The following KIFAP3 variants were observed in gnomAD, a reference collection of about 807,000 sequenced individuals.
KIFAP3 encodes the protein kinesin associated protein 3.
In KIFAP3, 68 loss-of-function variants were observed where a neutral mutation model predicts 106.5. That is an observed-to-expected ratio of 0.64 (90% CI 0.53 to 0.78). The LOEUF is 0.78. Ranked by LOEUF, KIFAP3 falls within the 30% of genes least tolerant of loss-of-function variation. KIFAP3 has a pLI of 0.00. For missense variants in KIFAP3, 780 were observed against 941.8 expected, an observed-to-expected ratio of 0.83 and a Z score of 2.25; for synonymous variants, 320 against 311.5, an observed-to-expected ratio of 1.03 and a Z score of -0.29.
At chr1:170,050,382 G>A (rs917944587) in intron 2 of KIFAP3, among the ~76,000 whole-genome samples, 4 of 152,166 alleles carry the variant, frequency 2.6e-5, no homozygotes, top group Non-Finnish European at 5.9e-5. Flanking sequence ...GTACCTGAAA[G>A]TGACAGGGAG....
At chr1:170,058,765 C>T (rs769029182) in intron 1 of KIFAP3, among the ~76,000 whole-genome samples, 14 of 151,882 alleles carry the variant, frequency 9.2e-5, no homozygotes, top group Non-Finnish European at 1.8e-4. Flanking sequence ...AAAACCAGAA[C>T]TGTCTAGGGC....
At chr1:169,987,584 T>C (rs1382433366) in intron 11 of KIFAP3, among the ~76,000 whole-genome samples, 2 of 152,074 alleles carry the variant, frequency 1.3e-5, no homozygotes, top group Non-Finnish European at 2.9e-5. Flanking sequence ...GTTTCTGAAC[T>C]TCAGCAGATA....
chr1:169,938,983 A>G (rs889905736), intron 19 of KIFAP3, among the ~76,000 whole-genome samples: 1 of 152,218 alleles, frequency 6.6e-6, no homozygotes, highest in African/African-American at 2.4e-5. Context: ...GGAGATGTAG[A>G]TAAGTGTCAA....
chr1:169,993,239 C>T (rs1277032301), intron 10 of KIFAP3, among the ~76,000 whole-genome samples: 1 of 151,568 alleles, frequency 6.6e-6, no homozygotes, highest in Non-Finnish European at 1.5e-5. Flanking sequence ...TCCTGAGTAG[C>T]TGGGATTCAG....
intron 10 of KIFAP3, among the ~76,000 whole-genome samples, chr1:169,994,487 C>T (rs1018263562): frequency 4.6e-5 from 7 of 152,124 alleles, no homozygotes; most frequent in Non-Finnish European, 8.8e-5. Flanking sequence ...TTAGATTTTG[C>T]ATCTTGCAAA....
chr1:169,934,166 CA>C (rs991504693), intron 19 of KIFAP3, among the ~76,000 whole-genome samples: 1 of 152,126 alleles, frequency 6.6e-6, no homozygotes, highest in Admixed American at 6.6e-5. Context: ...TGGCATGCTT[CA>C]TACACATGCT....
intron 11 of KIFAP3, among the ~76,000 whole-genome samples, chr1:169,986,834 T>A (rs1190683292): frequency 6.6e-6 from 1 of 152,046 alleles, no homozygotes; most frequent in Non-Finnish European, 1.5e-5. Flanking sequence ...GTATGAAAAT[T>A]AGCCTTAAAC....
At chr1:170,041,866 G>T in intron 3 of KIFAP3, 1 of 1,387,432 alleles carries the variant, frequency 7.2e-7, no homozygotes, top group Non-Finnish European at 9.4e-7. Flanking sequence ...TGTTTAAGGG[G>T]AATTTCCCCA....
In KIFAP3 at chr1:170,031,921, T is replaced by C. The variant is rs750808144; in HGVS notation, c.806A>G (p.Gln269Arg). Residue 269 changes from glutamine (Q) to arginine (R), a missense_variant, in exon 8 of 20, where the codon CAG becomes CGG. Physicochemically the swap from Gln to Arg is conservative, Grantham distance 43. Coordinates refer to ENST00000361580, the MANE Select transcript of KIFAP3 (RefSeq NM_014970.4). ...CTGTTCCTGTTTTACCACAAGCCCCTGGTACTTTTTAAAGGTTTTTTCATA... is the reference window on the plus strand; with the variant it reads ...CTGTTCCTGTTTTACCACAAGCCCCCGGTACTTTTTAAAGGTTTTTTCATA... ...KDYEKTFKKY[Q>R]GLVVKQEQLL... 3 of 1,611,050 alleles carry C rather than the reference T, an allele frequency of 1.9e-6. No homozygotes were observed. In the South Asian group the frequency reaches 3.3e-5, roughly 18 times the overall value.
chr1:169,951,148 G>A lies in KIFAP3; in HGVS notation c.2273+2863C>T, dbSNP rs546704301. Among the ~76,000 whole-genome samples, 120 of 151,916 alleles carry A rather than the reference G, an allele frequency of 7.9e-4. 7 individuals carry two copies. In the South Asian group the frequency reaches 0.024, roughly 31 times the overall value. ...TGTGGCTCTGCTGATACAGTTTAGG[G>A]TCCCTTTTCATTTGTTCTATTACCT... On this transcript the variant is annotated intron_variant, in intron 19 of 19. Transcript: ENST00000361580.
At chr1:169,936,521 A>C (rs1323344505) in intron 19 of KIFAP3, among the ~76,000 whole-genome samples, 1 of 151,878 alleles carries the variant, frequency 6.6e-6, no homozygotes, top group Non-Finnish European at 1.5e-5. Context: ...TTTATGAAAT[A>C]GCATATATAA....
chr1:170,069,512 A>G (rs1268243686), intron 1 of KIFAP3, among the ~76,000 whole-genome samples: 1 of 152,162 alleles, frequency 6.6e-6, no homozygotes, highest in Non-Finnish European at 1.5e-5. Context: ...CAACATGGCC[A>G]CATGGGCATT....
intron 19 of KIFAP3, among the ~76,000 whole-genome samples, chr1:169,927,541 C>T (rs775797012): frequency 1.3e-4 from 20 of 152,094 alleles, no homozygotes; most frequent in Non-Finnish European, 2.9e-4. Context: ...TATTTCTTTC[C>T]CATTAGAAAA....
intron 10 of KIFAP3, among the ~76,000 whole-genome samples, chr1:170,001,293 A>T (rs541831661): frequency 6.6e-6 from 1 of 152,270 alleles, no homozygotes; most frequent in Non-Finnish European, 1.5e-5. Flanking sequence ...TCATTGACTT[A>T]ATATGCTTTG....
intron 8 of KIFAP3, among the ~76,000 whole-genome samples, chr1:170,030,501 T>TAA (rs1669345278): frequency 6.6e-6 from 1 of 151,870 alleles, no homozygotes; most frequent in Non-Finnish European, 1.5e-5. Flanking sequence ...AAAGAAAGCG[T>TAA]ATGTCCATAC....
Position 169,977,280 on chromosome 1 carries a change from C to G in KIFAP3, c.1897+805G>C, listed in dbSNP as rs561206858. Among the ~76,000 whole-genome samples, 5 of 151,702 alleles carry G rather than the reference C, an allele frequency of 3.3e-5. No homozygotes were observed. In the South Asian group the frequency reaches 8.3e-4, roughly 25 times the overall value. ...ACAATGTTGTTATTCACAATGAATACAGATGGCAGGACTGCTTTGCTTATC... is the reference window on the plus strand; with the variant it reads ...ACAATGTTGTTATTCACAATGAATAGAGATGGCAGGACTGCTTTGCTTATC... On this transcript the variant is annotated intron_variant, in intron 16 of 19. Transcript: ENST00000361580.
At chr1:169,959,712 T>G (rs1173777638) in intron 18 of KIFAP3, among the ~76,000 whole-genome samples, 1 of 152,160 alleles carries the variant, frequency 6.6e-6, no homozygotes, top group East Asian at 1.9e-4. Flanking sequence ...TGATTCATTA[T>G]GAAAGTTAGC....
intron 3 of KIFAP3, among the ~76,000 whole-genome samples, chr1:170,039,741 C>A (rs1464379852): frequency 6.6e-6 from 1 of 151,728 alleles, no homozygotes; most frequent in Non-Finnish European, 1.5e-5. Context: ...AATTTAAAAC[C>A]TAAGATATAG....
Position 170,071,329 on chromosome 1 carries a change from AC to A in KIFAP3, c.32+3106del, listed in dbSNP as rs566676071. On this transcript the variant is annotated intron_variant, in intron 1 of 19. Coordinates refer to ENST00000361580, the MANE Select transcript of KIFAP3 (RefSeq NM_014970.4). ...TCCCAATAGCCAATAGGTAGAAACA[AC>A]CCAAATGTCCACCACCAGATGAGCA... Among the ~76,000 whole-genome samples, 7 of 152,366 alleles carry A rather than the reference AC, an allele frequency of 4.6e-5. No homozygotes were observed. In the South Asian group the frequency reaches 1.4e-3, roughly 32 times the overall value.
Sources: allele counts gnomAD v4.1 joint callset (sites outside exome capture counted in the v4.1 genomes callset), GRCh38; gene constraint gnomAD v4.1.1; transcripts MANE v1.5; gene names NCBI Gene and HGNC (gene_info 2026-07-23, HGNC 2026-07-21).